The following CLEC2B variants were observed in gnomAD, a reference collection of about 807,000 sequenced individuals.
The protein encoded by CLEC2B is C-type lectin domain family 2 member B, also known as C-type (calcium dependent, carbohydrate-recognition domain) lectin, superfamily member 2 (activation-induced).
A neutral mutation model predicts 16.2 loss-of-function variants in CLEC2B; 14 were observed. The observed-to-expected ratio is 0.86, with a 90% CI of 0.57 to 1.35. The LOEUF is 1.35. Among genes scored for constraint, CLEC2B ranks in the 40% most tolerant of loss-of-function variants. The pLI, the probability that CLEC2B is intolerant of heterozygous loss-of-function variation, is 0.00. For missense variants in CLEC2B, 166 were observed against 182.3 expected, an observed-to-expected ratio of 0.91 and a Z score of 0.52; for synonymous variants, 42 against 55.8, an observed-to-expected ratio of 0.75 and a Z score of 1.10.
intron 2 of CLEC2B, among the ~76,000 whole-genome samples, chr12:9,861,811 A>G (rs1277256677): frequency 6.6e-6 from 1 of 152,168 alleles, no homozygotes; most frequent in Non-Finnish European, 1.5e-5. Context: ...TTAAAAATGA[A>G]CAATATTTTG....
chr12:9,865,273 C>T (rs1591770610), intron 1 of CLEC2B, among the ~76,000 whole-genome samples: 1 of 150,764 alleles, frequency 6.6e-6, no homozygotes, highest in East Asian at 1.9e-4. Context: ...AAATCTGCTT[C>T]ACCTATAAAG....
chr12:9,857,422 C>A, intron 3 of CLEC2B, 52 bp downstream of exon 3: 1 of 1,355,306 alleles, frequency 7.4e-7, no homozygotes, highest in South Asian at 1.2e-5. Flanking sequence ...TTGAATATTT[C>A]TAATGCTCCG....
Position 9,852,580 on chromosome 12 carries a change from T to C in CLEC2B, c.*720A>G, listed in dbSNP as rs1366915222. On this transcript the variant is annotated 3_prime_UTR_variant, in exon 5 of 5. Coordinates refer to ENST00000228438, the MANE Select transcript of CLEC2B (RefSeq NM_005127.3). ...TATTTTGAAGCAATGCTGTGTGCCC[T>C]GAGTGCCTTTTTCCCCTGGCCTGTC... 6.6e-6 allele frequency among the ~76,000 whole-genome samples: 1 copy of C among 152,210 alleles called. No homozygotes were observed. The highest frequency in any genetic ancestry group is 2.4e-5 in the African/African-American group (1 of 41,458).
chr12:9,863,235 G>C (rs1014385884), intron 1 of CLEC2B, among the ~76,000 whole-genome samples: 1 of 152,050 alleles, frequency 6.6e-6, no homozygotes, highest in Non-Finnish European at 1.5e-5. Context: ...GGCAAACCTG[G>C]GTTAAGGCAC....
chr12:9,853,111 A>AGAGAGAGAGAGAGAGAGAGAGAGAG lies in CLEC2B; in HGVS notation c.*188_*189insCTCTCTCTCTCTCTCTCTCTCTCTC. On this transcript the variant is annotated 3_prime_UTR_variant, in exon 5 of 5. Transcript: ENST00000228438. ...AGAGAGAGAGAAAGAAAGAAAGAAA[A>AGAGAGAGAGAGAGAGAGAGAGAGAG]AAACTCAGCAGAATACCTGTAACCA... The AGAGAGAGAGAGAGAGAGAGAGAGAG allele has an allele frequency of 2.5e-5, 10 of 403,760 alleles. No homozygotes were observed. The highest frequency in any genetic ancestry group is 3.9e-5 in the East Asian group (1 of 25,514). 25.0% of individuals were successfully genotyped at this position (403,760 alleles called of 1,614,324 possible).
chr12:9,854,415 C>G lies in CLEC2B; in HGVS notation c.307G>C (p.Gly103Arg). The part of the protein sequence containing the change: ...IGLKMAKNRT[G>R]QWVDGATFTK... ...AATGTAGCTCCATCTACCCATTGTCCTGTTCGATTTTTTGCCATCTTCAGT... is the reference window on the plus strand; with the variant it reads ...AATGTAGCTCCATCTACCCATTGTCGTGTTCGATTTTTTGCCATCTTCAGT... Residue 103 changes from glycine (G) to arginine (R), a missense_variant, in exon 4 of 5, where the codon GGA becomes CGA. Gly to Arg is a moderately radical substitution (Grantham distance 125). Transcript: ENST00000228438. 1 of 1,613,526 alleles carries G rather than the reference C, an allele frequency of 6.2e-7. No individual in the cohort carries two copies. Among genetic ancestry groups the G allele is most frequent in the South Asian group, 1.1e-5 (1 of 91,054 alleles).
Position 9,853,071 on chromosome 12 carries a change from A to AAGAAAGAAAGAAAGAAAGAAAGAAAG in CLEC2B, c.*228_*229insCTTTCTTTCTTTCTTTCTTTCTTTCT, listed in dbSNP as rs1555123287. On this transcript the variant is annotated 3_prime_UTR_variant, in exon 5 of 5. Transcript: ENST00000228438. ...TTACAGTTAAAAAAAGAAAGAAAGA[A>AAGAAAGAAAGAAAGAAAGAAAGAAAG]AGAAAGAAAGAAAGAGAGAGAGAGA... 531 of 264,968 alleles carry AAGAAAGAAAGAAAGAAAGAAAGAAAG rather than the reference A, an allele frequency of 2.0e-3. 22 individuals are homozygous for AAGAAAGAAAGAAAGAAAGAAAGAAAG. Among genetic ancestry groups the AAGAAAGAAAGAAAGAAAGAAAGAAAG allele is most frequent in the African/African-American group, 0.015 (492 of 33,292 alleles). The allele number at this position is 264,968 out of a possible 1,614,324, so 16.4% of individuals were successfully genotyped here.
chr12:9,862,534 C>A lies in CLEC2B; in HGVS notation c.38G>T (p.Gly13Val). The change falls in exon 2 of 5, where the codon GGT becomes GTT. Residue 13 changes from glycine (G) to valine (V), a missense_variant. Physicochemically the swap from Gly to Val is moderately radical, Grantham distance 109. Transcript: ENST00000228438. ...AATAATATTAGTTGTTATTAAAACA[C>A]CAACAATTATAAAACACTTTTTATG... is the stretch of plus-strand genomic sequence containing the variant. ...TKHKKCFIIV[G>V]VLITTNIITL... 1 of 1,465,266 alleles carries A rather than the reference C, an allele frequency of 6.8e-7. No homozygotes were observed. Among genetic ancestry groups the A allele is most frequent in the Non-Finnish European group, 9.2e-7 (1 of 1,087,512 alleles). 90.8% of individuals were successfully genotyped at this position (1,465,266 alleles called of 1,614,324 possible). A position where few individuals can be genotyped will look rare whatever the true frequency, so the allele number is the denominator to read the frequency against.
chr12:9,860,149 A>G (rs576786482), intron 2 of CLEC2B, among the ~76,000 whole-genome samples: 2 of 151,864 alleles, frequency 1.3e-5, no homozygotes, highest in Admixed American at 1.3e-4. Flanking sequence ...AGTTATAGCC[A>G]GTAAAATAAG....
intron 2 of CLEC2B, among the ~76,000 whole-genome samples, chr12:9,858,329 T>G (rs1867909293): frequency 6.6e-6 from 1 of 152,056 alleles, no homozygotes; most frequent in Non-Finnish European, 1.5e-5. Flanking sequence ...TCCTCCAGCT[T>G]GTAGCACAGC....
In CLEC2B at chr12:9,854,381, GA is replaced by G; in HGVS notation, c.340del (p.Ser114ArgfsTer4). 1 of 1,601,500 alleles carries G rather than the reference GA, an allele frequency of 6.2e-7. No individual in the cohort carries two copies. Among genetic ancestry groups the G allele is most frequent in the Non-Finnish European group, 8.5e-7 (1 of 1,170,154 alleles). ...TGATCCCAGAAAAAAATAAACTCAC[GA>G]TTTGGTAAATGTAGCTCCATCTACC... ...QWVDGATFTKSFGMRGSEGCA... is the reference protein window; with the variant it reads ...QWVDGATFTKXFGMRGSEGCA... On this transcript the variant is annotated frameshift_variant and splice_region_variant, in exon 4 of 5. Transcript: ENST00000228438. LOFTEE classifies it low-confidence loss of function (END_TRUNC).
At chr12:9,859,728 C>A (rs534498325) in intron 2 of CLEC2B, among the ~76,000 whole-genome samples, 3 of 151,644 alleles carry the variant, frequency 2.0e-5, no homozygotes, top group Non-Finnish European at 4.4e-5. Context: ...ACATCAATAC[C>A]TGATAATAGT....
At chr12:9,856,258 A>G (rs1463491752) in intron 3 of CLEC2B, among the ~76,000 whole-genome samples, 2 of 151,816 alleles carry the variant, frequency 1.3e-5, no homozygotes, top group Middle Eastern at 3.2e-3. Context: ...AACACTCATT[A>G]TTTTTCCATC....
intron 2 of CLEC2B, 32 bp from the exon 3 acceptor site, chr12:9,857,669 C>T (rs1391438975): frequency 7.3e-6 from 11 of 1,498,248 alleles, no homozygotes; most frequent in Non-Finnish European, 1.0e-5. Context: ...ATCTTAAGTA[C>T]CATATAGAAT....
chr12:9,853,551 A>G, intron 4 of CLEC2B, 143 bp from the exon 5 acceptor site: 1 of 642,070 alleles, frequency 1.6e-6, no homozygotes, highest in Non-Finnish European at 2.8e-6. Context: ...AGATACCTAT[A>G]CCAATTTGGA....
At chr12:9,859,366 C>G (rs1867916788) in intron 2 of CLEC2B, among the ~76,000 whole-genome samples, 1 of 151,818 alleles carries the variant, frequency 6.6e-6, no homozygotes, top group South Asian at 2.1e-4. Flanking sequence ...GTTGAATACT[C>G]TAAAACAGGA....
intron 1 of CLEC2B, 110 bp from the exon 2 acceptor site, chr12:9,862,683 C>G (rs1176275194): frequency 2.3e-6 from 2 of 875,060 alleles, no homozygotes; most frequent in Non-Finnish European, 3.1e-6. Flanking sequence ...AATATTAGTG[C>G]TGTGATTATC....
rs73245300 is a variant in CLEC2B at position 9,853,636 on chromosome 12, T to C, written c.342-228A>G. ...GTTGGTTACATGTAATCAGTGGAGC[T>C]ATCAGTTCGTATAAACCAATGGTTT... On this transcript the variant is annotated intron_variant, in intron 4 of 4. Transcript: ENST00000228438. 1.4e-3 allele frequency among the ~76,000 whole-genome samples: 219 copies of C among 152,336 alleles called. 1 individual carries two copies. The highest frequency in any genetic ancestry group is 5.1e-3 in the African/African-American group (214 of 41,576).
chr12:9,868,565 A>G (rs1398778770), intron 1 of CLEC2B, among the ~76,000 whole-genome samples: 1 of 152,114 alleles, frequency 6.6e-6, no homozygotes, highest in Non-Finnish European at 1.5e-5. Flanking sequence ...ATATTTTGAC[A>G]TAAATAAACC....
Sources: gnomAD v4.1 joint callset for allele counts (sites outside exome capture counted in the v4.1 genomes callset) on GRCh38, gnomAD v4.1.1 for gene constraint, MANE v1.5 for transcripts, NCBI Gene and HGNC (gene_info 2026-07-23, HGNC 2026-07-21) for gene names.